Variants in IPO8 observed in about 807,000 individuals in gnomAD.
The protein encoded by IPO8 is importin 8, also known as importin-8.
Under a neutral mutation model 141.2 loss-of-function variants are expected in IPO8, and 65 were observed. The observed-to-expected ratio is 0.46, with a 90% CI of 0.38 to 0.57. The LOEUF (loss-of-function observed/expected upper bound fraction) is 0.57, where lower values mean the gene tolerates loss of function less well. Among genes scored for constraint, IPO8 ranks in the 20% least tolerant of loss-of-function variants. The pLI, the probability that IPO8 is intolerant of heterozygous loss-of-function variation, is 0.00. For missense variants in IPO8, 980 were observed against 1,246.8 expected (o/e 0.79, Z 3.22); for synonymous variants, 411 against 420.3 (o/e 0.98, Z 0.27).
At chr12:30,661,848 T>G (rs1013495145) in intron 15 of IPO8, among the ~76,000 whole-genome samples, 3 of 152,192 alleles carry the variant, frequency 2.0e-5, no homozygotes, top group Admixed American at 6.5e-5. Context: ...TTTCAGAATA[T>G]TCTAGATGAA....
intron 19 of IPO8, among the ~76,000 whole-genome samples, chr12:30,650,797 C>A (rs1169020683): frequency 1.3e-5 from 2 of 152,140 alleles, no homozygotes; most frequent in South Asian, 2.1e-4. Flanking sequence ...AGATTAGGTT[C>A]AAATCTGGCT....
At chr12:30,655,398 T>C (rs1200885741) in intron 17 of IPO8, among the ~76,000 whole-genome samples, 2 of 152,236 alleles carry the variant, frequency 1.3e-5, no homozygotes, top group East Asian at 3.8e-4. Context: ...TTGAAATATA[T>C]GTATTTTGTG....
chr12:30,639,412 C>T (rs2136127572), intron 21 of IPO8, 103 bp downstream of exon 21: 2 of 718,620 alleles, frequency 2.8e-6, no homozygotes, highest in Middle Eastern at 3.8e-4. Context: ...AAAAATAATT[C>T]CTAAGACATG....
chr12:30,664,140 T>C (rs1450106726), intron 13 of IPO8, among the ~76,000 whole-genome samples: 2 of 152,178 alleles, frequency 1.3e-5, no homozygotes, highest in Admixed American at 6.5e-5. Flanking sequence ...AGAATCATTA[T>C]TATATTTTAC....
At chr12:30,644,848 TCA>T (rs1344647927) in intron 20 of IPO8, among the ~76,000 whole-genome samples, 4 of 151,264 alleles carry the variant, frequency 2.6e-5, no homozygotes, top group Non-Finnish European at 5.9e-5. Flanking sequence ...AGACAGGGTT[TCA>T]CCATGTTGGC....
intron 16 of IPO8, among the ~76,000 whole-genome samples, chr12:30,659,697 T>A (rs151336725): frequency 0.023 from 3,381 of 149,040 alleles, 59 homozygotes; most frequent in Non-Finnish European, 0.031. Flanking sequence ...TAAAAAAAAT[T>A]CAAAAAAATT....
chr12:30,636,766 C>T (rs891829241), intron 22 of IPO8, among the ~76,000 whole-genome samples: 2 of 151,736 alleles, frequency 1.3e-5, no homozygotes, highest in African/African-American at 2.4e-5. Flanking sequence ...TAAAAAAAAC[C>T]GCTGAGTATA....
intron 6 of IPO8, among the ~76,000 whole-genome samples, chr12:30,675,095 C>T (rs1211525090): frequency 6.6e-6 from 1 of 152,194 alleles, no homozygotes; most frequent in Non-Finnish European, 1.5e-5. Flanking sequence ...TCAAAATTCA[C>T]TGAACTAGTC....
intron 13 of IPO8, among the ~76,000 whole-genome samples, chr12:30,664,083 A>C (rs2052926512): frequency 6.6e-6 from 1 of 152,164 alleles, no homozygotes; most frequent in African/African-American, 2.4e-5. Context: ...TAGGTACCAA[A>C]AATTTTAAAC....
chr12:30,681,346 A>G (rs1243429194), intron 4 of IPO8, among the ~76,000 whole-genome samples: 1 of 152,192 alleles, frequency 6.6e-6, no homozygotes, highest in African/African-American at 2.4e-5. Flanking sequence ...TATACTCCCT[A>G]GAAGACAAAT....
intron 5 of IPO8, 22 bp from the exon 6 acceptor site, chr12:30,676,609 T>A (rs777102134): frequency 1.4e-5 from 21 of 1,526,652 alleles, no homozygotes; most frequent in Non-Finnish European, 1.8e-5. Flanking sequence ...AAGAACAACA[T>A]GAACAGTAAT....
chr12:30,659,994 G>A (rs1365755310), intron 16 of IPO8, among the ~76,000 whole-genome samples: 8 of 152,068 alleles, frequency 5.3e-5, no homozygotes, highest in African/African-American at 9.7e-5. Context: ...AGGCTGAAGC[G>A]GGTGGATCAC....
intron 6 of IPO8, among the ~76,000 whole-genome samples, 167 bp from the exon 7 acceptor site, chr12:30,674,920 C>T (rs917387757): frequency 5.9e-5 from 9 of 152,132 alleles, no homozygotes; most frequent in African/African-American, 2.2e-4. Flanking sequence ...ATTAAATAAG[C>T]AAAGTAAATT....
chr12:30,631,264 G>A (rs1474029701), intron 24 of IPO8, among the ~76,000 whole-genome samples: 3 of 152,162 alleles, frequency 2.0e-5, no homozygotes, highest in African/African-American at 7.2e-5. Context: ...CAGGAAGGCT[G>A]ACTGAGAATC....
rs759724163 is a variant in IPO8, at chr12:30,671,045, G to T, written c.961C>A (p.Arg321Ser). The T allele has an allele frequency of 1.2e-6, 2 of 1,609,112 alleles. No homozygotes were observed. Among genetic ancestry groups the T allele is most frequent in the South Asian group, 2.2e-5 (2 of 90,936 alleles). The change falls in exon 9 of 25, where the codon CGT becomes AGT. Residue 321 changes from arginine to serine, a missense_variant. Transcript: ENST00000256079. ...TAGTTGAATGCTTGCTGAAGAACAC[G>T]GGGAGCTACATATTCTTTCTGTCTA... is the stretch of plus-strand genomic sequence containing the variant. ...QYRQKEYVAP[R>S]VLQQAFNYLN... is the part of the protein sequence containing the mutation.
chr12:30,693,233 A>C (rs1279386709), intron 1 of IPO8, among the ~76,000 whole-genome samples: 1 of 152,238 alleles, frequency 6.6e-6, no homozygotes, highest in African/African-American at 2.4e-5. Context: ...CTTCTGGTCT[A>C]TAGAAAATGA....
At position 30,681,750 on chromosome 12, in the gene IPO8, C is replaced by T. The variant is rs368787726; in HGVS notation, c.391G>A (p.Val131Ile). The stretch of plus-strand genomic sequence containing the variant: ...TGCAAGTAATAGTCTATCTTGTCGA[C>T]CACTCCTGGCCAGTGACCAGGAAAA... ...HDFPGHWPGVVDKIDYYLQSQ... is the reference protein window; with the variant it reads ...HDFPGHWPGVIDKIDYYLQSQ... Residue 131 changes from valine to isoleucine, a missense_variant, in exon 4 of 25, where the codon GTC (valine) becomes ATC (isoleucine). By Grantham distance (29) the Val-to-Ile change is conservative (BLOSUM62 3). Transcript: ENST00000256079. 1.2e-5 allele frequency: 19 copies of T among 1,613,662 alleles called. No individual in the cohort carries two copies. The highest frequency in any genetic ancestry group is 1.4e-5 in the Non-Finnish European group (17 of 1,179,750).
chr12:30,679,525 T>C (rs1828120288), intron 5 of IPO8, among the ~76,000 whole-genome samples: 1 of 152,152 alleles, frequency 6.6e-6, no homozygotes, highest in Non-Finnish European at 1.5e-5. Flanking sequence ...TTCTAGTTTC[T>C]TCTCTTCTCA....
rs147616229 is a variant in IPO8 at position 30,668,503 on chromosome 12, G to C, written c.1144+680C>G. Among the ~76,000 whole-genome samples the C allele has an allele frequency of 9.6e-3, 1,461 of 152,276 alleles. 18 individuals are homozygous for C. Among genetic ancestry groups the C allele is most frequent in the African/African-American group, 0.033 (1,389 of 41,546 alleles). ...TGGAGGAATGCAGAGGTGTAGAAGAGACAGAAAATGCAAAATTAAGCAAAT... is the reference window on the plus strand; with the variant it reads ...TGGAGGAATGCAGAGGTGTAGAAGACACAGAAAATGCAAAATTAAGCAAAT... On this transcript the variant is annotated intron_variant, in intron 10 of 24. Transcript: ENST00000256079.
Sources: gnomAD v4.1 joint callset for allele counts (sites outside exome capture counted in the v4.1 genomes callset) on GRCh38, gnomAD v4.1.1 for gene constraint, MANE v1.5 for transcripts, NCBI Gene and HGNC (gene_info 2026-07-23, HGNC 2026-07-21) for gene names.